The following KCNT2 variants were observed in gnomAD, a reference collection of about 807,000 sequenced individuals.
The protein encoded by KCNT2 is potassium sodium-activated channel subfamily T member 2, also known as potassium channel subfamily T member 2.
Under a neutral mutation model 153.8 loss-of-function variants are expected in KCNT2, and 67 were observed. The ratio of observed to expected loss-of-function variants is 0.44; its 90% CI spans 0.36 to 0.53. The LOEUF is 0.53. Ranked by LOEUF, KCNT2 falls within the 20% of genes least tolerant of loss-of-function variation. The pLI, the probability that KCNT2 is intolerant of heterozygous loss-of-function variation, is 0.00. For missense variants in KCNT2, 975 were observed against 1,354.8 expected (o/e 0.72, Z 4.40); for synonymous variants, 500 against 458.8 (o/e 1.09, Z -1.15).
At chr1:196,513,740 T>C (rs1046337416) in intron 1 of KCNT2, among the ~76,000 whole-genome samples, 3 of 152,174 alleles carry the variant, frequency 2.0e-5, no homozygotes, top group African/African-American at 7.2e-5. Flanking sequence ...CCTTTCACAA[T>C]AGTACTTATT....
chr1:196,349,287 T>G (rs1213097437), intron 14 of KCNT2, among the ~76,000 whole-genome samples: 1 of 152,166 alleles, frequency 6.6e-6, no homozygotes, highest in African/African-American at 2.4e-5. Flanking sequence ...CTCCCATTCC[T>G]ATCATTTAAT....
At chr1:196,350,371 G>C (rs1666559341) in intron 14 of KCNT2, among the ~76,000 whole-genome samples, 2 of 152,102 alleles carry the variant, frequency 1.3e-5, no homozygotes, top group African/African-American at 4.8e-5. Context: ...AGCACCTGTT[G>C]TTTCCTTAAT....
At chr1:196,495,476 A>G (rs1680180504) in intron 1 of KCNT2, among the ~76,000 whole-genome samples, 1 of 151,710 alleles carries the variant, frequency 6.6e-6, no homozygotes, top group Non-Finnish European at 1.5e-5. Context: ...AACTGGTTTC[A>G]TCTCCTCCCT....
intron 8 of KCNT2, among the ~76,000 whole-genome samples, chr1:196,446,587 C>A (rs1675705357): frequency 6.6e-6 from 1 of 151,424 alleles, no homozygotes; most frequent in African/African-American, 2.4e-5. Flanking sequence ...TTACCCCCAA[C>A]TTTGTGGAAG....
At chr1:196,508,240 G>T (rs980141633) in intron 1 of KCNT2, among the ~76,000 whole-genome samples, 1 of 145,982 alleles carries the variant, frequency 6.9e-6, no homozygotes, top group Non-Finnish European at 1.5e-5. Context: ...AAAAGAAATT[G>T]GATCTCTATC....
chr1:196,421,210 T>C (rs778537710), intron 12 of KCNT2, among the ~76,000 whole-genome samples: 28 of 152,002 alleles, frequency 1.8e-4, no homozygotes, highest in African/African-American at 4.6e-4. Flanking sequence ...TAGGTATAAA[T>C]CTTCTTACTC....
intron 19 of KCNT2, among the ~76,000 whole-genome samples, chr1:196,324,142 C>T (rs1018172329): frequency 1.3e-5 from 2 of 151,844 alleles, no homozygotes; most frequent in Admixed American, 1.3e-4. Flanking sequence ...CAACCTAACC[C>T]TTTGAAATAA....
At chr1:196,266,312 C>A (rs1306175813) in intron 25 of KCNT2, among the ~76,000 whole-genome samples, 1 of 151,940 alleles carries the variant, frequency 6.6e-6, no homozygotes, top group East Asian at 1.9e-4. Flanking sequence ...AACAAAGTAC[C>A]CTAAATATGG....
chr1:196,438,784 A>G (rs1255760662), intron 8 of KCNT2, among the ~76,000 whole-genome samples: 2 of 151,868 alleles, frequency 1.3e-5, no homozygotes, highest in Non-Finnish European at 2.9e-5. Context: ...TCCTATATGT[A>G]TATATTTATA....
chr1:196,354,739 G>A (rs1283152246), intron 14 of KCNT2, among the ~76,000 whole-genome samples: 2 of 151,368 alleles, frequency 1.3e-5, no homozygotes, highest in Non-Finnish European at 3.0e-5. Context: ...GTCACCAAAG[G>A]GTTTAAATCT....
At chr1:196,312,926 C>T (rs1190459800) in intron 21 of KCNT2, among the ~76,000 whole-genome samples, 1 of 151,610 alleles carries the variant, frequency 6.6e-6, no homozygotes, top group Non-Finnish European at 1.5e-5. Flanking sequence ...CTGGATCCTA[C>T]CTCTGGAATG....
At chr1:196,234,698 T>C (rs529581489) in intron 27 of KCNT2, among the ~76,000 whole-genome samples, 1 of 151,596 alleles carries the variant, frequency 6.6e-6, no homozygotes, top group East Asian at 1.9e-4. Context: ...ATTTTGCATA[T>C]TATTACATTT....
chr1:196,506,224 C>T (rs181650269), intron 1 of KCNT2, among the ~76,000 whole-genome samples: 51 of 152,242 alleles, frequency 3.3e-4, no homozygotes, highest in African/African-American at 1.1e-3. Context: ...CTGTAAAATG[C>T]AGGTATTACT....
intron 8 of KCNT2, among the ~76,000 whole-genome samples, chr1:196,454,424 G>T (rs1676482704): frequency 6.6e-6 from 1 of 151,784 alleles, no homozygotes; most frequent in Admixed American, 6.6e-5. Flanking sequence ...TCATCTTTAT[G>T]TATCCAGTGT....
chr1:196,514,211 C>G (rs1681869734), intron 1 of KCNT2, among the ~76,000 whole-genome samples: 1 of 152,150 alleles, frequency 6.6e-6, no homozygotes, highest in Admixed American at 6.5e-5. Context: ...ATTAAGTACT[C>G]AATACATTTG....
chr1:196,584,960 G>T (rs548437148), intron 1 of KCNT2, among the ~76,000 whole-genome samples: 1 of 151,998 alleles, frequency 6.6e-6, no homozygotes. Flanking sequence ...TCCAGTAGGC[G>T]TGGGTCCCAT....
At chr1:196,594,697 TC>T (rs1663835008) in intron 1 of KCNT2, among the ~76,000 whole-genome samples, 1 of 152,064 alleles carries the variant, frequency 6.6e-6, no homozygotes, top group Admixed American at 6.6e-5. Flanking sequence ...CATTAATAAC[TC>T]TGGCACTGCA....
intron 10 of KCNT2, 141 bp downstream of exon 10, chr1:196,427,964 G>T: frequency 1.8e-6 from 1 of 547,334 alleles, no homozygotes; most frequent in Non-Finnish European, 3.2e-6. Flanking sequence ...GGTTATATTT[G>T]TGGTTCTTCA....
At chr1:196,568,262 T>G (rs1224476297) in intron 1 of KCNT2, among the ~76,000 whole-genome samples, 1 of 152,120 alleles carries the variant, frequency 6.6e-6, no homozygotes, top group Non-Finnish European at 1.5e-5. Flanking sequence ...AGATCCCTTG[T>G]ATGTGCAGTT....
Sources: allele counts gnomAD v4.1 joint callset (sites outside exome capture counted in the v4.1 genomes callset), GRCh38; gene constraint gnomAD v4.1.1; transcripts MANE v1.5; gene names NCBI Gene and HGNC (gene_info 2026-07-23, HGNC 2026-07-21).